Variants in POLQ observed in about 807,000 individuals in gnomAD.
POLQ encodes the protein epididymis secretory sperm binding protein.
In POLQ, 233 loss-of-function variants were observed where a neutral mutation model predicts 259.2. That is an observed-to-expected ratio of 0.90 (90% CI 0.81 to 1.00). POLQ has a LOEUF of 1.00. Ranked by LOEUF, POLQ falls within the 50% of genes least tolerant of loss-of-function variation. The probability of loss-of-function intolerance (pLI) is 0.00; values close to 1 mark genes in which losing one functional copy is unlikely to be tolerated. For synonymous variants in POLQ, 1,025 were observed against 1,048.8 expected (o/e 0.98, Z 0.44); for missense variants, 2,871 against 3,051.6 (o/e 0.94, Z 1.39).
intron 18 of POLQ, 135 bp from the exon 19 acceptor site, chr3:121,481,947 C>G (rs1229734663): frequency 3.8e-6 from 3 of 792,630 alleles, no homozygotes; most frequent in Non-Finnish European, 5.9e-6. Context: ...CAGTGGTCTT[C>G]CCAGGAAAGA....
intron 22 of POLQ, among the ~76,000 whole-genome samples, chr3:121,471,276 T>A (rs1397540920): frequency 6.6e-6 from 1 of 152,086 alleles, no homozygotes; most frequent in African/African-American, 2.4e-5. Context: ...CACTTACTTA[T>A]ACGGATGCCC....
chr3:121,480,170 G>GA (rs200674785), intron 19 of POLQ, among the ~76,000 whole-genome samples: 12 of 150,230 alleles, frequency 8.0e-5, no homozygotes, highest in South Asian at 2.1e-4. Context: ...AAAAGATTTG[G>GA]AAAAAAAATA....
intron 17 of POLQ, among the ~76,000 whole-genome samples, chr3:121,484,481 C>T (rs1056060970): frequency 6.6e-6 from 1 of 152,206 alleles, no homozygotes; most frequent in Non-Finnish European, 1.5e-5. Flanking sequence ...TCACTGCCCC[C>T]TCAGAGGAAA....
chr3:121,488,583 G>T lies in POLQ; in HGVS notation c.4348C>A (p.Gln1450Lys). ...ACTGGTTTCACAGTTTCTTGTGTTT[G>T]ATAACCTTGAAGAAAACTATTTAAT... ...SQLNSFLQGY[Q>K]TQETVKPVIL... Residue 1450 changes from glutamine to lysine, a missense_variant, in exon 16 of 30, where the codon CAA (glutamine) becomes AAA (lysine). Gln to Lys is a moderately conservative substitution (Grantham distance 53, BLOSUM62 1). Transcript: ENST00000264233. The T allele has an allele frequency of 6.2e-7, 1 of 1,610,106 alleles. No individual in the cohort carries two copies. Among genetic ancestry groups the T allele is most frequent in the South Asian group, 1.1e-5 (1 of 89,870 alleles).
chr3:121,453,340 C>T (rs2047696904), intron 25 of POLQ, among the ~76,000 whole-genome samples: 1 of 152,196 alleles, frequency 6.6e-6, no homozygotes, highest in Non-Finnish European at 1.5e-5. Context: ...CGCCTCTCCT[C>T]CTCCAAAGGA....
Position 121,494,657 on chromosome 3 carries a change from A to C in POLQ, c.2279-936T>G. 3.9e-6 allele frequency: 6 copies of C among 1,549,976 alleles called. No homozygotes were observed. In the South Asian group the frequency reaches 5.6e-5, roughly 15 times the overall value. On this transcript the variant is annotated intron_variant, in intron 14 of 29. Coordinates refer to ENST00000264233, the MANE Select transcript of POLQ (RefSeq NM_199420.4). ...TAAAATGGGGGTCCCTTACTGCATT[A>C]CCAAGGGGAAGGCAAGACTGGGACG...
Position 121,459,385 on chromosome 3 carries a change from T to TTG in POLQ, c.7152+664_7152+665insCA, listed in dbSNP as rs1375333676. ...ACTAGAAAGATTTTTTTTTTTTTTT[T>TTG]TTTTTTTGTTTTTCGAGATGGAGTC... On this transcript the variant is annotated intron_variant, in intron 25 of 29. Coordinates refer to ENST00000264233, the MANE Select transcript of POLQ (RefSeq NM_199420.4). Among the ~76,000 whole-genome samples the TTG allele has an allele frequency of 9.7e-5, 14 of 143,986 alleles. No individual in the cohort carries two copies. The East Asian group carries it at 1.9e-3, about 19-fold the overall frequency. 94.5% of individuals were successfully genotyped at this position (143,986 alleles called of 152,430 possible). A position where few individuals can be genotyped will look rare whatever the true frequency, so the allele number is the denominator to read the frequency against.
At chr3:121,473,600 A>C in intron 20 of POLQ, 113 bp from the exon 21 acceptor site, 3 of 944,102 alleles carry the variant, frequency 3.2e-6, no homozygotes, top group Non-Finnish European at 4.8e-6. Flanking sequence ...ATGGATTGAA[A>C]TAATGTTTCT....
In POLQ at chr3:121,449,347, C is replaced by T. The variant is rs138575624; in HGVS notation, c.7232G>A (p.Cys2411Tyr). Reference protein sequence around the residue: ...QMGIKENDAACYIDSFKSRYT... With the variant: ...QMGIKENDAAYYIDSFKSRYT... Reference sequence around the variant, plus strand: ...TCTGGATTTGAAGGAGTCAATATAGCATGCAGCATCATTTTCTTTAATGCC... The same window carrying T: ...TCTGGATTTGAAGGAGTCAATATAGTATGCAGCATCATTTTCTTTAATGCC... Residue 2411 changes from cysteine to tyrosine, a missense_variant, in exon 26 of 30, where the codon TGC (cysteine) becomes TAC (tyrosine). Around this residue, in one of 3 missense-constraint regions of POLQ, gnomAD observed 2,080 missense variants for 2,126.0 expected, o/e 0.98. Transcript: ENST00000264233. 8.2e-6 allele frequency: 13 copies of T among 1,589,114 alleles called. No homozygotes were observed. In the Middle Eastern group the frequency reaches 5.0e-4, roughly 61 times the overall value.
intron 16 of POLQ, among the ~76,000 whole-genome samples, chr3:121,485,887 A>G (rs907663913): frequency 6.6e-6 from 1 of 152,246 alleles, no homozygotes; most frequent in African/African-American, 2.4e-5. Flanking sequence ...AATCAGACAA[A>G]TACTCAAACC....
intron 18 of POLQ, among the ~76,000 whole-genome samples, 194 bp downstream of exon 18, chr3:121,483,190 ATC>A (rs952643000): frequency 6.6e-6 from 1 of 152,080 alleles, no homozygotes; most frequent in Non-Finnish European, 1.5e-5. Context: ...AATTTGTGAC[ATC>A]TCTGTTTTTA....
At chr3:121,468,491 C>T in intron 22 of POLQ, 60 bp from the exon 23 acceptor site, 2 of 1,189,190 alleles carry the variant, frequency 1.7e-6, no homozygotes, top group East Asian at 2.4e-5. Flanking sequence ...TTTGTCTTAA[C>T]AGTATTCACA....
At chr3:121,438,902 C>G (rs2047565598) in intron 27 of POLQ, among the ~76,000 whole-genome samples, 1 of 152,122 alleles carries the variant, frequency 6.6e-6, no homozygotes, top group Non-Finnish European at 1.5e-5. Flanking sequence ...ACTATTCTTC[C>G]ACAGTCCCTA....
intron 1 of POLQ, among the ~76,000 whole-genome samples, chr3:121,545,275 A>G (rs1297043453): frequency 1.1e-4 from 16 of 152,130 alleles, no homozygotes; most frequent in Non-Finnish European, 4.4e-5. Context: ...ACAACTAACG[A>G]TTTTAAAAAA....
intron 27 of POLQ, among the ~76,000 whole-genome samples, chr3:121,439,767 A>C (rs2047574218): frequency 6.6e-6 from 1 of 152,272 alleles, no homozygotes; most frequent in Non-Finnish European, 1.5e-5. Context: ...AGTATTATTA[A>C]GTAAACACAT....
chr3:121,498,369 C>A, intron 13 of POLQ, 108 bp downstream of exon 13: 1 of 718,830 alleles, frequency 1.4e-6, no homozygotes, highest in Non-Finnish European at 2.2e-6. Context: ...TATACTCTGC[C>A]AAAATTTTGA....
intron 12 of POLQ, among the ~76,000 whole-genome samples, chr3:121,508,950 G>C (rs925076110): frequency 1.3e-4 from 17 of 129,004 alleles, no homozygotes; most frequent in African/African-American, 4.6e-4. Context: ...AATATTCACA[G>C]AGCATTGTCT....
chr3:121,542,723 CTT>C (rs2048499282), intron 2 of POLQ, among the ~76,000 whole-genome samples: 2 of 152,190 alleles, frequency 1.3e-5, no homozygotes, highest in Admixed American at 1.3e-4. Context: ...AATCTCAAAA[CTT>C]TGGGAGAATC....
Position 121,489,606 on chromosome 3 carries a change from C to G in POLQ, c.3325G>C (p.Asp1109His). The G allele has an allele frequency of 6.2e-7, 1 of 1,613,492 alleles. No individual in the cohort carries two copies. Among genetic ancestry groups the G allele is most frequent in the Non-Finnish European group, 8.5e-7 (1 of 1,179,788 alleles). The change falls in exon 16 of 30, where the codon GAT becomes CAT. Residue 1109 changes from aspartate to histidine, a missense_variant. Asp to His is a moderately conservative substitution (Grantham distance 81, BLOSUM62 -1). Transcript: ENST00000264233. ...TGTAATGGGAATGATGTTTTATTAT[C>G]TTTTTCCTTACCACTCAAAGATACA... The part of the protein sequence containing the change: ...KNVSLSGKEK[D>H]NKTSFPLQIK...
Sources: gnomAD v4.1 joint callset for allele counts (sites outside exome capture counted in the v4.1 genomes callset) on GRCh38, gnomAD v4.1.1 for gene constraint, gnomAD v4.1.1 regional missense constraint, MANE v1.5 for transcripts, NCBI Gene and HGNC (gene_info 2026-07-23, HGNC 2026-07-21) for gene names.